The following DAAM1 variants were observed in gnomAD, a reference collection of about 807,000 sequenced individuals.
DAAM1 encodes the protein dishevelled associated activator of morphogenesis 1, also known as disheveled-associated activator of morphogenesis 1.
DAAM1 carries 52 observed loss-of-function variants against 130.0 expected under a neutral mutation model. The ratio of observed to expected loss-of-function variants is 0.40; its 90% CI spans 0.32 to 0.50. The LOEUF (loss-of-function observed/expected upper bound fraction) is 0.50. Ranked by LOEUF, DAAM1 falls within the 20% of genes least tolerant of loss-of-function variation. DAAM1 has a pLI of 0.61. For missense variants in DAAM1, 1,134 were observed against 1,303.8 expected, an observed-to-expected ratio of 0.87 and a Z score of 2.01; for synonymous variants, 452 against 444.5, an observed-to-expected ratio of 1.02 and a Z score of -0.21.
chr14:59,344,065 G>A (rs766856935), intron 16 of DAAM1, among the ~76,000 whole-genome samples: 6 of 152,282 alleles, frequency 3.9e-5, no homozygotes, highest in African/African-American at 7.2e-5. Flanking sequence ...GTGGCAGCGG[G>A]GGAGACAGAA....
rs114464645 is a variant in DAAM1, at chr14:59,218,168, G to A, written c.-38+29400G>A. Reference sequence around the variant, plus strand: ...AAAAAATTCAAGATTAATTTCCTCCGTCAAACTAGCCATCTCATATGTGCT... The same window carrying A: ...AAAAAATTCAAGATTAATTTCCTCCATCAAACTAGCCATCTCATATGTGCT... On this transcript the variant is annotated intron_variant, in intron 1 of 24. Transcript: ENST00000360909. Among the ~76,000 whole-genome samples the A allele has an allele frequency of 6.8e-3, 1,028 of 152,144 alleles. 15 individuals are homozygous for A. Among genetic ancestry groups the A allele is most frequent in the African/African-American group, 0.023 (963 of 41,514 alleles).
intron 17 of DAAM1, among the ~76,000 whole-genome samples, chr14:59,348,813 G>A (rs755613670): frequency 2.6e-5 from 4 of 152,132 alleles, no homozygotes; most frequent in Non-Finnish European, 5.9e-5. Context: ...AGGGAGGAAT[G>A]ATGTTTGCAG....
intron 16 of DAAM1, among the ~76,000 whole-genome samples, chr14:59,343,903 G>A (rs1478795036): frequency 6.6e-6 from 1 of 152,226 alleles, no homozygotes; most frequent in African/African-American, 2.4e-5. Flanking sequence ...TTCATGGGAA[G>A]AGAGTAGAAT....
chr14:59,315,567 C>T (rs1415312309), intron 4 of DAAM1, among the ~76,000 whole-genome samples: 1 of 152,160 alleles, frequency 6.6e-6, no homozygotes, highest in Admixed American at 6.5e-5. Context: ...AATCAGCACA[C>T]ACTGCAATAT....
rs1886971409 is a variant in DAAM1 at position 59,367,607 on chromosome 14, G to T, written c.2997+8G>T. ...GCTCGCATGGAAGCTCAGGTGAGAG[G>T]ATGATTAATTGACCAATTCCACCTC... On this transcript the variant is annotated splice_region_variant and intron_variant, in intron 24 of 24. Transcript: ENST00000360909. The T allele has an allele frequency of 1.2e-6, 2 of 1,610,308 alleles. No individual in the cohort carries two copies. The highest frequency in any genetic ancestry group is 2.7e-5 in the African/African-American group (2 of 74,800).
intron 1 of DAAM1, among the ~76,000 whole-genome samples, chr14:59,216,893 A>G (rs1888597887): frequency 6.8e-6 from 1 of 146,936 alleles, no homozygotes. Flanking sequence ...AATTTTAAGT[A>G]TATACTATGT....
chr14:59,222,436 T>C (rs530328320), intron 1 of DAAM1, among the ~76,000 whole-genome samples: 1 of 152,306 alleles, frequency 6.6e-6, no homozygotes, highest in African/African-American at 2.4e-5. Context: ...GTTAGCTGGC[T>C]GATGACCCTG....
intron 5 of DAAM1, among the ~76,000 whole-genome samples, chr14:59,322,529 G>A (rs1277801510): frequency 6.6e-6 from 1 of 151,736 alleles, no homozygotes; most frequent in East Asian, 1.9e-4. Context: ...TGGGGTGGGG[G>A]CATGGGAACT....
intron 1 of DAAM1, among the ~76,000 whole-genome samples, chr14:59,216,255 T>G (rs1358542260): frequency 6.6e-6 from 1 of 152,216 alleles, no homozygotes; most frequent in African/African-American, 2.4e-5. Flanking sequence ...AGGCACAGTT[T>G]TTCAATGTAC....
intron 23 of DAAM1, among the ~76,000 whole-genome samples, chr14:59,366,234 A>T (rs181810230): frequency 5.7e-4 from 86 of 151,898 alleles, no homozygotes; most frequent in African/African-American, 1.8e-3. Flanking sequence ...TTTAAAAAAA[A>T]ATTTTTTTTA....
intron 1 of DAAM1, among the ~76,000 whole-genome samples, chr14:59,191,098 G>A (rs1887716336): frequency 6.6e-6 from 1 of 152,138 alleles, no homozygotes; most frequent in African/African-American, 2.4e-5. Context: ...TTATACCAAT[G>A]TGCATTATCA....
intron 15 of DAAM1, among the ~76,000 whole-genome samples, chr14:59,334,582 A>G (rs1050613642): frequency 2.0e-5 from 3 of 152,182 alleles, no homozygotes; most frequent in Admixed American, 2.0e-4. Flanking sequence ...TGCATGCAAC[A>G]GGAACCCTGC....
intron 2 of DAAM1, among the ~76,000 whole-genome samples, chr14:59,289,784 A>ATATATATAT: frequency 7.8e-5 from 10 of 128,642 alleles, no homozygotes; most frequent in East Asian, 2.0e-4. Context: ...ATATATATAT[A>ATATATATAT]ATGGAATGCT....
At chr14:59,204,916 C>T (rs889613379) in intron 1 of DAAM1, among the ~76,000 whole-genome samples, 14 of 152,218 alleles carry the variant, frequency 9.2e-5, no homozygotes, top group African/African-American at 3.4e-4. Flanking sequence ...TGAATGGCAA[C>T]TCACAAATAT....
At chr14:59,218,069 G>C (rs1342522062) in intron 1 of DAAM1, among the ~76,000 whole-genome samples, 1 of 152,074 alleles carries the variant, frequency 6.6e-6, no homozygotes, top group Non-Finnish European at 1.5e-5. Context: ...GGAGTTGGAG[G>C]CTGCAGTGAA....
At chr14:59,230,132 G>A (rs771660972) in intron 1 of DAAM1, among the ~76,000 whole-genome samples, 1 of 152,160 alleles carries the variant, frequency 6.6e-6, no homozygotes, top group Non-Finnish European at 1.5e-5. Context: ...TTGTGAAACA[G>A]CAGGTACCTG....
At chr14:59,249,033 T>C (rs1881519872) in intron 1 of DAAM1, among the ~76,000 whole-genome samples, 2 of 152,178 alleles carry the variant, frequency 1.3e-5, no homozygotes. Context: ...GTGATCCGTC[T>C]GCCTCGGCCT....
At position 59,355,338 on chromosome 14, in the gene DAAM1, G is replaced by A; in HGVS notation, c.2525+5G>A. 1 of 1,613,826 alleles carries A rather than the reference G, an allele frequency of 6.2e-7. No homozygotes were observed. The highest frequency in any genetic ancestry group is 8.5e-7 in the Non-Finnish European group (1 of 1,179,908). ...CACAAAATCCAGCATCGACAAGTAA[G>A]TATGAGATCTTCCAACACTTGGGGG... On this transcript the variant is annotated splice_donor_5th_base_variant and intron_variant, in intron 20 of 24. Coordinates refer to ENST00000360909, the MANE Select transcript of DAAM1 (RefSeq NM_001270520.2).
At chr14:59,230,382 C>T (rs972101429) in intron 1 of DAAM1, among the ~76,000 whole-genome samples, 1 of 151,768 alleles carries the variant, frequency 6.6e-6, no homozygotes, top group Admixed American at 6.6e-5. Context: ...TAACATGGAG[C>T]CTCTTCCTGG....
Sources: allele counts gnomAD v4.1 joint callset (sites outside exome capture counted in the v4.1 genomes callset), GRCh38; gene constraint gnomAD v4.1.1; transcripts MANE v1.5; gene names NCBI Gene and HGNC (gene_info 2026-07-23, HGNC 2026-07-21).